The following FAM171A2 variants were observed in gnomAD, a reference collection of about 807,000 sequenced individuals.
FAM171A2 encodes protein FAM171A2.
In FAM171A2, 13 loss-of-function variants were observed where a neutral mutation model predicts 34.2. That is an observed-to-expected ratio of 0.38 (90% confidence interval 0.25 to 0.60). FAM171A2 has a LOEUF of 0.60. FAM171A2 is among the 20% of genes least tolerant of loss of function. The pLI is 0.62. For synonymous variants in FAM171A2, 475 were observed against 561.2 expected (o/e 0.85, Z 2.17); for missense variants, 950 against 1,180.7 (o/e 0.80, Z 2.86).
chr17:44,362,823 G>A (rs1031660208), intron 1 of FAM171A2, among the ~76,000 whole-genome samples: 3 of 151,766 alleles, frequency 2.0e-5, no homozygotes, highest in African/African-American at 7.3e-5. Context: ...CCTGCTGAAT[G>A]GGGGGGGACC....
rs2048458207 is a variant in FAM171A2 at position 44,363,779 on chromosome 17, G to T, written c.-65C>A. ...CCTGGTCCCGCTCGCCCGGCCCCGC[G>T]CAGCCCCAGCTCTGCGCCGCGCCTC... On this transcript the variant is annotated 5_prime_UTR_variant, in exon 1 of 8. Coordinates refer to ENST00000293443, the MANE Select transcript of FAM171A2 (RefSeq NM_198475.3). The T allele has an allele frequency of 1.4e-6, 1 of 738,446 alleles. No homozygotes were observed. The highest frequency in any genetic ancestry group is 1.8e-6 in the Non-Finnish European group (1 of 553,600). 45.7% of individuals were successfully genotyped at this position (738,446 alleles called of 1,614,324 possible).
rs556155182 is a variant in FAM171A2 at position 44,363,312 on chromosome 17, A to T, written c.118+285T>A. Among the ~76,000 whole-genome samples the T allele has an allele frequency of 5.3e-5, 8 of 151,976 alleles. No individual in the cohort carries two copies. The South Asian group carries it at 1.5e-3, about 28-fold the overall frequency. On this transcript the variant is annotated intron_variant, in intron 1 of 7. Coordinates refer to ENST00000293443, the MANE Select transcript of FAM171A2 (RefSeq NM_198475.3). ...TGGCTCAGGCAGCAGCGCCTCGCGG[A>T]CCAGGAGGGAGAAAAACAAATAGGG... is the stretch of plus-strand genomic sequence containing the variant.
chr17:44,354,688 C>A lies in FAM171A2; in HGVS notation c.1526G>T (p.Arg509Leu). The change falls in exon 8 of 8, where the codon CGG (arginine) becomes CTG (leucine). Residue 509 changes from arginine to leucine, a missense_variant. Transcript: ENST00000293443. This position sits in a 1 kb window ranked among gnomAD's most constrained non-coding sequence, Gnocchi z 5.8. ...CCCCGCCTGGCCCAGCGACGGCGGC[C>A]GCGCCAGCTGGTCCACCGACTGCGA... ...LLSQSVDQLA[R>L]PPSLGQAGQL... The A allele has an allele frequency of 3.0e-6, 4 of 1,332,850 alleles. No individual in the cohort carries two copies. The highest frequency in any genetic ancestry group is 3.8e-6 in the Non-Finnish European group (4 of 1,040,202). 82.6% of individuals were successfully genotyped at this position (1,332,850 alleles called of 1,614,324 possible).
chr17:44,355,904 T>C lies in FAM171A2; in HGVS notation c.895+54A>G. The C allele has an allele frequency of 6.5e-7, 1 of 1,547,178 alleles. No homozygotes were observed. Among genetic ancestry groups the C allele is most frequent in the Non-Finnish European group, 8.7e-7 (1 of 1,143,928 alleles). ...CCCTTCCTGCCTTTCAGAAGTCTGC[T>C]CTCCCAGCTCCCCTCCTCCGCGGCC... is the stretch of plus-strand genomic sequence containing the variant. On this transcript the variant is annotated intron_variant, in intron 6 of 7. Coordinates refer to ENST00000293443, the MANE Select transcript of FAM171A2 (RefSeq NM_198475.3). This position sits in a 1 kb window ranked among gnomAD's most constrained non-coding sequence, Gnocchi z 4.1.
intron 3 of FAM171A2, among the ~76,000 whole-genome samples, chr17:44,358,017 A>G (rs1311882634): frequency 6.6e-6 from 1 of 152,240 alleles, no homozygotes; most frequent in Admixed American, 6.5e-5. Context: ...ATCGGGCTCC[A>G]GGCCCATCCT....
intron 1 of FAM171A2, among the ~76,000 whole-genome samples, chr17:44,362,262 T>C (rs1423678330): frequency 6.6e-6 from 1 of 152,080 alleles, no homozygotes; most frequent in Non-Finnish European, 1.5e-5. Flanking sequence ...AGGGGCGTCC[T>C]AAGAAACTAG....
rs1407214982 is a variant in FAM171A2 at position 44,363,707 on chromosome 17, G to C, written c.8C>G (p.Pro3Arg). 1.6e-6 allele frequency: 2 copies of C among 1,214,120 alleles called. No individual in the cohort carries two copies. Among genetic ancestry groups the C allele is most frequent in the Admixed American group, 8.7e-5 (2 of 23,014 alleles). The allele number at this position is 1,214,120 out of a possible 1,614,324, so 75.2% of individuals were successfully genotyped here. A position where few individuals can be genotyped will look rare whatever the true frequency, so the allele number is the denominator to read the frequency against. Residue 3 changes from proline to arginine, a missense_variant, in exon 1 of 8, where the codon CCG (proline) becomes CGG (arginine). This residue lies in a region of FAM171A2 where 752 missense variants were observed against 924.5 expected (regional missense o/e 0.81). Transcript: ENST00000293443. ...CGCGAGGACGCTGGGGCCACTCGCC[G>C]GCGGCATCGCGGGGCTAGGCCGGGC... Reference protein sequence around the residue: MPPASGPSVLARL... With the variant: MPRASGPSVLARL...
chr17:44,361,699 GT>G, intron 1 of FAM171A2, among the ~76,000 whole-genome samples: 1 of 152,236 alleles, frequency 6.6e-6, no homozygotes, highest in Non-Finnish European at 1.5e-5. Flanking sequence ...CCCCTTTACT[GT>G]TTTTTTGCAC....
Position 44,360,052 on chromosome 17 carries a change from G to A in FAM171A2, c.199C>T (p.Arg67Trp), listed in dbSNP as rs965239386. The change falls in exon 2 of 8, where the codon CGG (arginine) becomes TGG (tryptophan). Residue 67 changes from arginine to tryptophan, a missense_variant. By Grantham distance (101) the Arg-to-Trp change is moderately radical (BLOSUM62 -3). Coordinates refer to ENST00000293443, the MANE Select transcript of FAM171A2 (RefSeq NM_198475.3). ...GTGGTGCCAGCTGCCAGCAGAGTCC[G>A]GTTCCCAAACACATCCACTGAGGCC... is the stretch of plus-strand genomic sequence containing the variant. ...ARASVDVFGN[R>W]TLLAAGTTDS... The A allele has an allele frequency of 1.3e-5, 20 of 1,551,638 alleles. No homozygotes were observed. In the African/African-American group the frequency reaches 1.6e-4, roughly 13 times the overall value.
At position 44,354,001 on chromosome 17, in the gene FAM171A2, C is replaced by G; in HGVS notation, c.2213G>C (p.Arg738Pro). Residue 738 changes from arginine to proline, a missense_variant, in exon 8 of 8, where the codon CGC (arginine) becomes CCC (proline). Physicochemically the swap from Arg to Pro is moderately radical, Grantham distance 103. Around this residue, in one of 3 missense-constraint regions of FAM171A2, gnomAD observed 191 missense variants for 222.8 expected, o/e 0.86. Transcript: ENST00000293443. The surrounding 1 kb of genome is among the most constrained non-coding windows in gnomAD (Gnocchi z 5.8). Reference protein sequence around the residue: ...EDTEPSSSESRTGLCSPEDNS... With the variant: ...EDTEPSSSESPTGLCSPEDNS... Reference sequence around the variant, plus strand: ...GTCCTCCGGAGAGCAGAGGCCCGTGCGGCTCTCGCTGCTGCTGGGCTCCGT... The same window carrying G: ...GTCCTCCGGAGAGCAGAGGCCCGTGGGGCTCTCGCTGCTGCTGGGCTCCGT... 1 of 1,220,336 alleles carries G rather than the reference C, an allele frequency of 8.2e-7. No homozygotes were observed. The highest frequency in any genetic ancestry group is 1.0e-6 in the Non-Finnish European group (1 of 980,050). The allele number at this position is 1,220,336 out of a possible 1,614,324, so 75.6% of individuals were successfully genotyped here.
intron 1 of FAM171A2, among the ~76,000 whole-genome samples, chr17:44,361,105 T>C (rs2048446263): frequency 6.6e-6 from 1 of 152,130 alleles, no homozygotes; most frequent in Non-Finnish European, 1.5e-5. Flanking sequence ...GTCTTTTGCT[T>C]TCCAGGGATG....
Position 44,354,680 on chromosome 17 carries a change from A to G in FAM171A2, c.1534T>C (p.Ser512Pro). The change falls in exon 8 of 8, where the codon TCG becomes CCG. Residue 512 changes from serine (S) to proline (P), a missense_variant. Physicochemically the swap from Ser to Pro is moderately conservative, Grantham distance 74. Around this residue, in one of 3 missense-constraint regions of FAM171A2, gnomAD observed 752 missense variants for 924.5 expected, o/e 0.81. Coordinates refer to ENST00000293443, the MANE Select transcript of FAM171A2 (RefSeq NM_198475.3). The surrounding 1 kb of genome is among the most constrained non-coding windows in gnomAD (Gnocchi z 5.8). ...ATGAGCTGCCCCGCCTGGCCCAGCG[A>G]CGGCGGCCGCGCCAGCTGGTCCACC... ...QSVDQLARPP[S>P]LGQAGQLIFC... 7.5e-7 allele frequency: 1 copy of G among 1,329,662 alleles called. No homozygotes were observed. The highest frequency in any genetic ancestry group is 9.6e-7 in the Non-Finnish European group (1 of 1,039,000). 82.4% of individuals were successfully genotyped at this position (1,329,662 alleles called of 1,614,324 possible). A position where few individuals can be genotyped will look rare whatever the true frequency, so the allele number is the denominator to read the frequency against.
chr17:44,359,367 AC>A, intron 3 of FAM171A2: 2 of 572,648 alleles, frequency 3.5e-6, no homozygotes, highest in Non-Finnish European at 6.3e-6. Flanking sequence ...TTTATTGAAC[AC>A]CTTCTGTACT....
Position 44,355,868 on chromosome 17 carries a change from A to G in FAM171A2, c.896-27T>C. 1 of 1,551,186 alleles carries G rather than the reference A, an allele frequency of 6.4e-7. No individual in the cohort carries two copies. Among genetic ancestry groups the G allele is most frequent in the Non-Finnish European group, 8.7e-7 (1 of 1,146,692 alleles). On this transcript the variant is annotated intron_variant, in intron 6 of 7. Coordinates refer to ENST00000293443, the MANE Select transcript of FAM171A2 (RefSeq NM_198475.3). The surrounding 1 kb of genome is among the most constrained non-coding windows in gnomAD (Gnocchi z 4.1). ...TGTGCCAGGCGAGGGCTTAGCGTTC[A>G]GGTGTAGACACCCTTCCTGCCTTTC...
chr17:44,358,428 C>T (rs574246120), intron 3 of FAM171A2, among the ~76,000 whole-genome samples: 65 of 152,238 alleles, frequency 4.3e-4, no homozygotes, highest in Non-Finnish European at 7.6e-4. Context: ...TGAAGTGACT[C>T]GCGCCTGTAA....
Position 44,355,044 on chromosome 17 carries a change from G to T in FAM171A2, c.1170C>A (p.Pro390=). 1 of 1,540,630 alleles carries T rather than the reference G, an allele frequency of 6.5e-7. No homozygotes were observed. The highest frequency in any genetic ancestry group is 8.8e-7 in the Non-Finnish European group (1 of 1,142,732). ...GGAGGGGGCCTGGAGGCGGAGCCTC[G>T]GGGTCCCCCGACGGGGCGGGTTCCA... ...GPLEPAPSGD[P]EAPPPGPLHS... Residue 390 remains proline (P), a synonymous_variant, in exon 8 of 8, where the codon CCC becomes CCA. Transcript: ENST00000293443. This position sits in a 1 kb window ranked among gnomAD's most constrained non-coding sequence, Gnocchi z 4.1.
At position 44,353,628 on chromosome 17, in the gene FAM171A2, G is replaced by A; in HGVS notation, c.*105C>T. On this transcript the variant is annotated 3_prime_UTR_variant, in exon 8 of 8. Coordinates refer to ENST00000293443, the MANE Select transcript of FAM171A2 (RefSeq NM_198475.3). Reference sequence around the variant, plus strand: ...CTCCAAGGCCCCTGGGCCCCTCTCCGGCCTGGGGCTGGGAGCTACGCGCGA... The same window carrying A: ...CTCCAAGGCCCCTGGGCCCCTCTCCAGCCTGGGGCTGGGAGCTACGCGCGA... The A allele has an allele frequency of 1.1e-6, 1 of 917,158 alleles. No individual in the cohort carries two copies. The highest frequency in any genetic ancestry group is 1.4e-6 in the Non-Finnish European group (1 of 718,114). The allele number at this position is 917,158 out of a possible 1,614,324, so 56.8% of individuals were successfully genotyped here. A position where few individuals can be genotyped will look rare whatever the true frequency, so the allele number is the denominator to read the frequency against.
At chr17:44,358,559 T>C (rs1338061179) in intron 3 of FAM171A2, among the ~76,000 whole-genome samples, 2 of 152,056 alleles carry the variant, frequency 1.3e-5, no homozygotes, top group East Asian at 1.9e-4. Flanking sequence ...GGCGTGGTGA[T>C]GGGTGCCTGT....
intron 5 of FAM171A2, 44 bp downstream of exon 5, chr17:44,356,129 T>G: frequency 6.6e-7 from 1 of 1,524,406 alleles, no homozygotes; most frequent in South Asian, 1.2e-5. Flanking sequence ...AAGTCCCACT[T>G]TCTTCTCTCA....
Sources: allele counts gnomAD v4.1 joint callset (sites outside exome capture counted in the v4.1 genomes callset), GRCh38; gene constraint gnomAD v4.1.1; regional missense constraint gnomAD v4.1.1; non-coding constraint Gnocchi (gnomAD v3.1); transcripts MANE v1.5; gene names NCBI Gene and HGNC (gene_info 2026-07-23, HGNC 2026-07-21).